MED4: variants seen among roughly 807,000 people sequenced by gnomAD.
The protein encoded by MED4 is mediator of RNA polymerase II transcription subunit 4.
MED4 carries 21 observed loss-of-function variants against 35.0 expected under a neutral mutation model. The observed-to-expected ratio is 0.60, with a 90% CI of 0.43 to 0.86. The LOEUF (loss-of-function observed/expected upper bound fraction) is 0.86. Among genes scored for constraint, MED4 ranks in the 40% least tolerant of loss-of-function variants. The pLI is 0.00. For missense variants in MED4, 300 were observed against 319.4 expected, an observed-to-expected ratio of 0.94 and a Z score of 0.46; for synonymous variants, 138 against 114.0, an observed-to-expected ratio of 1.21 and a Z score of -1.34.
chr13:48,090,532 G>A (rs865784239), intron 1 of MED4, 114 bp from the exon 2 acceptor site: 30 of 714,252 alleles, frequency 4.2e-5, no homozygotes, highest in Middle Eastern at 5.1e-4. Context: ...AGACTCGCTT[G>A]TGCCGGTTAC....
Position 48,077,032 on chromosome 13 carries a change from G to T in MED4, c.*107C>A. 1.0e-6 allele frequency: 1 copy of T among 980,464 alleles called. No individual in the cohort carries two copies. Among genetic ancestry groups the T allele is most frequent in the Non-Finnish European group, 1.4e-6 (1 of 704,394 alleles). 60.7% of individuals were successfully genotyped at this position (980,464 alleles called of 1,614,324 possible). A position where few individuals can be genotyped will look rare whatever the true frequency, so the allele number is the denominator to read the frequency against. On this transcript the variant is annotated 3_prime_UTR_variant, in exon 7 of 7. Coordinates refer to ENST00000258648, the MANE Select transcript of MED4 (RefSeq NM_014166.4). The stretch of plus-strand genomic sequence containing the variant: ...TGACTGCACAATTCTACCAAAGCCA[G>T]TGTTTACCTGGGTATTTTTTGTCAC...
rs142388636 is a variant in MED4 at position 48,080,268 on chromosome 13, G to A, written c.509-293C>T. Among the ~76,000 whole-genome samples, 452 of 151,562 alleles carry A rather than the reference G, an allele frequency of 3.0e-3. 1 individual carries two copies. The highest frequency in any genetic ancestry group is 0.01 in the African/African-American group (422 of 41,320). The stretch of plus-strand genomic sequence containing the variant: ...GAAAATTAGTCAGGCGTGGTGGCAC[G>A]CACCTATAATCCCAGCTACTCGGGA... On this transcript the variant is annotated intron_variant, in intron 5 of 6. Coordinates refer to ENST00000258648, the MANE Select transcript of MED4 (RefSeq NM_014166.4).
chr13:48,081,037 A>G (rs764472909), intron 5 of MED4, among the ~76,000 whole-genome samples: 2 of 152,382 alleles, frequency 1.3e-5, no homozygotes, highest in Middle Eastern at 6.8e-3. Flanking sequence ...TGCTTTCAGC[A>G]TGGTAACACA....
chr13:48,078,816 C>CT (rs1313571154), intron 6 of MED4, among the ~76,000 whole-genome samples: 1 of 152,048 alleles, frequency 6.6e-6, no homozygotes, highest in Non-Finnish European at 1.5e-5. Flanking sequence ...CCTGGTTGTA[C>CT]TTTAGGTAGC....
chr13:48,090,534 G>A (rs1950883144), intron 1 of MED4, 116 bp from the exon 2 acceptor site: 1 of 691,732 alleles, frequency 1.4e-6, no homozygotes, highest in Admixed American at 2.8e-5. Flanking sequence ...ACTCGCTTGT[G>A]CCGGTTACCA....
At chr13:48,080,424 A>T (rs912062490) in intron 5 of MED4, among the ~76,000 whole-genome samples, 1 of 150,018 alleles carries the variant, frequency 6.7e-6, no homozygotes, top group Non-Finnish European at 1.5e-5. Flanking sequence ...AAAAAGAAAG[A>T]AAGAAATATA....
In MED4 at chr13:48,077,190, A is replaced by T; in HGVS notation, c.762T>A (p.Asp254Glu). ...AGGAGTCCGTTGACATAATCTCTAC[A>T]TCATCTTCATTTTCTTTATTATGCC... is the stretch of plus-strand genomic sequence containing the variant. Reference protein sequence around the residue: ...PPGHNKENEDDVEIMSTDSSS... With the variant: ...PPGHNKENEDEVEIMSTDSSS... The change falls in exon 7 of 7, where the codon GAT becomes GAA. Residue 254 changes from aspartate to glutamate, a missense_variant. By Grantham distance (45) the Asp-to-Glu change is conservative. Coordinates refer to ENST00000258648, the MANE Select transcript of MED4 (RefSeq NM_014166.4). 2.5e-6 allele frequency: 4 copies of T among 1,608,894 alleles called. No individual in the cohort carries two copies. The highest frequency in any genetic ancestry group is 3.4e-6 in the Non-Finnish European group (4 of 1,178,354).
rs1347257581 is a variant in MED4 at position 48,076,779 on chromosome 13, CAAG to C, written c.*357_*359del. Reference sequence around the variant, plus strand: ...TTAAAAATGCTTTTCTAAATAATTCCAAGAAGCCTATTAGTGATATGTATATGG... The same window carrying C: ...TTAAAAATGCTTTTCTAAATAATTCCAAGCCTATTAGTGATATGTATATGG... On this transcript the variant is annotated 3_prime_UTR_variant, in exon 7 of 7. Transcript: ENST00000258648. 1 of 160,112 alleles carries C rather than the reference CAAG, an allele frequency of 6.2e-6. No individual in the cohort carries two copies. The highest frequency in any genetic ancestry group is 2.4e-5 in the African/African-American group (1 of 41,816). The allele number at this position is 160,112 out of a possible 1,614,324, so 9.9% of individuals were successfully genotyped here.
intron 4 of MED4, 42 bp from the exon 5 acceptor site, chr13:48,081,773 A>C (rs756394073): frequency 2.8e-5 from 36 of 1,275,166 alleles, no homozygotes; most frequent in Non-Finnish European, 3.9e-5. Context: ...GTAGTCTAAC[A>C]AACATACAAG....
intron 3 of MED4, 146 bp from the exon 4 acceptor site, chr13:48,083,574 T>C (rs1950826458): frequency 1.7e-6 from 1 of 585,216 alleles, no homozygotes; most frequent in Non-Finnish European, 3.0e-6. Context: ...TGTTCTGAAA[T>C]ACCACTTGAC....
At chr13:48,077,375 T>A (rs1950768927) in intron 6 of MED4, 64 bp from the exon 7 acceptor site, 1 of 1,258,274 alleles carries the variant, frequency 7.9e-7, no homozygotes, top group Admixed American at 2.9e-5. Context: ...TTCTTACTTT[T>A]CCCTTTATGC....
chr13:48,084,238 CAATAG>C (rs1378193580), intron 3 of MED4, among the ~76,000 whole-genome samples: 4 of 127,120 alleles, frequency 3.1e-5, no homozygotes, highest in African/African-American at 1.2e-4. Flanking sequence ...CTGGCCTGGG[CAATAG>C]AGCAAGAGCA....
intron 2 of MED4, among the ~76,000 whole-genome samples, chr13:48,087,346 A>G (rs1019999906): frequency 6.6e-6 from 1 of 152,150 alleles, no homozygotes; most frequent in African/African-American, 2.4e-5. Flanking sequence ...CCGGGGCAAC[A>G]AGAGCGAAAC....
At chr13:48,081,016 G>C (rs1950804547) in intron 5 of MED4, among the ~76,000 whole-genome samples, 1 of 152,182 alleles carries the variant, frequency 6.6e-6, no homozygotes, top group African/African-American at 2.4e-5. Context: ...CAAAATTATA[G>C]TCACCCTTAG....
intron 1 of MED4, among the ~76,000 whole-genome samples, chr13:48,091,447 C>T (rs1593549063): frequency 6.6e-6 from 1 of 152,352 alleles, no homozygotes; most frequent in Non-Finnish European, 1.5e-5. Context: ...TGTACTTTCT[C>T]ACTGGCTACC....
chr13:48,087,119 A>G (rs1950853995), intron 2 of MED4, among the ~76,000 whole-genome samples: 1 of 151,892 alleles, frequency 6.6e-6, no homozygotes, highest in Admixed American at 6.6e-5. Flanking sequence ...TAATCCTAGC[A>G]CTTTGGGAGG....
intron 4 of MED4, among the ~76,000 whole-genome samples, 157 bp from the exon 5 acceptor site, chr13:48,081,888 T>C (rs930435797): frequency 6.6e-6 from 1 of 152,192 alleles, no homozygotes. Context: ...ACATGTTTAG[T>C]ATAAACTTAA....
chr13:48,090,234 T>C, intron 2 of MED4, 118 bp downstream of exon 2: 1 of 753,312 alleles, frequency 1.3e-6, no homozygotes, highest in Non-Finnish European at 2.2e-6. Flanking sequence ...CTTAAAAGGA[T>C]CCAACATTCC....
rs1950765379 is a variant in MED4, at chr13:48,077,105, G to C, written c.*34C>G. The C allele has an allele frequency of 6.6e-7, 1 of 1,520,462 alleles. No homozygotes were observed. The highest frequency in any genetic ancestry group is 8.9e-7 in the Non-Finnish European group (1 of 1,125,572). 94.2% of individuals were successfully genotyped at this position (1,520,462 alleles called of 1,614,324 possible). ...ACTGTTAAAGAAACAGAATTCTACA[G>C]TATTCAATTCTGTATATTGTCTTTT... is the stretch of plus-strand genomic sequence containing the variant. On this transcript the variant is annotated 3_prime_UTR_variant, in exon 7 of 7. Transcript: ENST00000258648.
Sources: gnomAD v4.1 joint callset for allele counts (sites outside exome capture counted in the v4.1 genomes callset) on GRCh38, gnomAD v4.1.1 for gene constraint, MANE v1.5 for transcripts, NCBI Gene and HGNC (gene_info 2026-07-23, HGNC 2026-07-21) for gene names.